The following GEMIN5 variants were observed in gnomAD, a reference collection of about 807,000 sequenced individuals.
GEMIN5 encodes gem nuclear organelle associated protein 5.
GEMIN5 carries 124 observed loss-of-function variants against 176.9 expected under a neutral mutation model. The ratio of observed to expected loss-of-function variants is 0.70; its 90% CI spans 0.61 to 0.81. The LOEUF is 0.81. GEMIN5 is among the 40% of genes least tolerant of loss of function. The probability of loss-of-function intolerance (pLI) is 0.00; values close to 1 mark genes in which losing one functional copy is unlikely to be tolerated. For synonymous variants in GEMIN5, 673 were observed against 665.2 expected (o/e 1.01, Z -0.18); for missense variants, 1,843 against 1,814.6 (o/e 1.02, Z -0.28).
intron 18 of GEMIN5, 52 bp from the exon 19 acceptor site, chr5:154,903,227 A>G: frequency 4.3e-6 from 5 of 1,168,940 alleles, no homozygotes; most frequent in Non-Finnish European, 6.4e-6. Flanking sequence ...CATTGATTAC[A>G]GTTTTCTCTC....
At chr5:154,918,040 A>G (rs1360843609) in intron 11 of GEMIN5, 36 bp from the exon 12 acceptor site, 2 of 1,320,066 alleles carry the variant, frequency 1.5e-6, no homozygotes, top group African/African-American at 1.4e-5. Flanking sequence ...GACTATATAC[A>G]TATCTCACAA....
intron 16 of GEMIN5, among the ~76,000 whole-genome samples, chr5:154,906,634 C>T (rs964646206): frequency 3.9e-5 from 6 of 152,070 alleles, no homozygotes; most frequent in East Asian, 1.9e-4. Flanking sequence ...TGGCCTCAAG[C>T]GGTTCTCCTG....
chr5:154,929,462 T>G (rs1764116152), intron 5 of GEMIN5, among the ~76,000 whole-genome samples: 1 of 152,136 alleles, frequency 6.6e-6, no homozygotes, highest in Non-Finnish European at 1.5e-5. Flanking sequence ...CTAATCACCG[T>G]TTTTTAAGCT....
chr5:154,928,743 C>G, intron 5 of GEMIN5, 84 bp from the exon 6 acceptor site: 1 of 1,242,214 alleles, frequency 8.1e-7, no homozygotes, highest in Admixed American at 1.9e-5. Flanking sequence ...AACACACAGT[C>G]TGCGCTGTAA....
chr5:154,925,028 C>T (rs1764001330), intron 8 of GEMIN5, among the ~76,000 whole-genome samples: 1 of 151,934 alleles, frequency 6.6e-6, no homozygotes, highest in Non-Finnish European at 1.5e-5. Flanking sequence ...AAAACAAAGT[C>T]AATGTCATCT....
At chr5:154,924,990 A>AAAAAC (rs1278071845) in intron 8 of GEMIN5, among the ~76,000 whole-genome samples, 3 of 152,198 alleles carry the variant, frequency 2.0e-5, no homozygotes, top group Admixed American at 1.3e-4. Flanking sequence ...CTCTGTCTCA[A>AAAAAC]AAAACAAAAC....
At chr5:154,912,839 A>C in intron 14 of GEMIN5, 60 bp downstream of exon 14, 1 of 1,427,658 alleles carries the variant, frequency 7.0e-7, no homozygotes, top group Non-Finnish European at 9.6e-7. Context: ...GGGGGAAAAG[A>C]AGAAAGAATT....
At chr5:154,898,398 C>T (rs1361108972) in intron 23 of GEMIN5, 42 bp downstream of exon 23, 2 of 1,514,352 alleles carry the variant, frequency 1.3e-6, no homozygotes, top group Non-Finnish European at 1.8e-6. Flanking sequence ...GGATTTGGGA[C>T]ACTTCCCTCT....
In GEMIN5 at chr5:154,912,917, G is replaced by A. The variant is rs1763732375; in HGVS notation, c.1977C>T (p.Ser659=). ...PHHDGRLVSA[S]YDGTAQVWDA... ...ATAGTACCTGGGCTGTACCATCATA[G>A]GAAGCAGATACCAGCCTTCCATCAT... The change falls in exon 14 of 28, where the codon TCC becomes TCT. Residue 659 remains serine (S), a synonymous_variant. Transcript: ENST00000285873. 4 of 1,613,696 alleles carry A rather than the reference G, an allele frequency of 2.5e-6. No homozygotes were observed. In the African/African-American group the frequency reaches 4.0e-5, roughly 16 times the overall value.
intron 12 of GEMIN5, 133 bp downstream of exon 12, chr5:154,917,798 G>C: frequency 1.5e-6 from 1 of 670,938 alleles, no homozygotes; most frequent in Non-Finnish European, 2.7e-6. Context: ...GATCAGCGGA[G>C]GATATCAAGA....
chr5:154,911,936 G>A (rs1974776), intron 14 of GEMIN5, 38 bp from the exon 15 acceptor site: 1,412,082 of 1,581,732 alleles, frequency 0.89, 632,878 homozygotes, highest in Non-Finnish European at 0.91. Context: ...GACATTTTCT[G>A]GTTATTCTAT....
intron 15 of GEMIN5, among the ~76,000 whole-genome samples, chr5:154,908,327 C>G (rs775537206): frequency 6.6e-6 from 1 of 151,934 alleles, no homozygotes; most frequent in African/African-American, 2.4e-5. Flanking sequence ...ATTACAGGCA[C>G]GCACAACCAC....
chr5:154,892,477 C>T lies in GEMIN5; in HGVS notation c.3670G>A (p.Val1224Met), dbSNP rs373188154. ...SQQMASWDEA[V>M]QALLRAVVRS... is the part of the protein sequence containing the mutation. ...ACCACCGCCCGAAGGAGCGCCTGCA[C>T]AGCCTCGTCCCAGGAGGCCATCTGT... Residue 1224 changes from valine to methionine, a missense_variant, in exon 25 of 28, where the codon GTG (valine) becomes ATG (methionine). By Grantham distance (21) the Val-to-Met change is conservative. Transcript: ENST00000285873. 2.5e-6 allele frequency: 4 copies of T among 1,614,222 alleles called. No individual in the cohort carries two copies. The highest frequency in any genetic ancestry group is 3.4e-6 in the Non-Finnish European group (4 of 1,180,020).
chr5:154,892,748 T>A lies in GEMIN5; in HGVS notation c.3598-199A>T. ...CTAGTTGCACAGCAGCACACACACGTCCCGGTGTTAAAGTCTGTTCACACT... is the reference window on the plus strand; with the variant it reads ...CTAGTTGCACAGCAGCACACACACGACCCGGTGTTAAAGTCTGTTCACACT... On this transcript the variant is annotated intron_variant, in intron 24 of 27. Coordinates refer to ENST00000285873, the MANE Select transcript of GEMIN5 (RefSeq NM_015465.5). The A allele has an allele frequency of 7.1e-6, 4 of 565,002 alleles. No individual in the cohort carries two copies. The South Asian group carries it at 9.1e-5, about 13-fold the overall frequency. The allele number at this position is 565,002 out of a possible 1,614,324, so 35.0% of individuals were successfully genotyped here.
In GEMIN5 at chr5:154,921,367, GCC is replaced by G; in HGVS notation, c.1436_1437del (p.Gly479AlafsTer32). ...CCAAGTGACATGGGGGGTACTGGTG[GCC>G]CCCAGGCTAAAGTATATACAGTCTT... ...HKKTVYTLAW[G>X]PPVPPMSLGG... On this transcript the variant is annotated frameshift_variant, in exon 10 of 28. Coordinates refer to ENST00000285873, the MANE Select transcript of GEMIN5 (RefSeq NM_015465.5). LOFTEE classifies it high-confidence loss of function. 6.9e-7 allele frequency: 1 copy of G among 1,458,376 alleles called. No individual in the cohort carries two copies. Among genetic ancestry groups the G allele is most frequent in the Non-Finnish European group, 9.6e-7 (1 of 1,046,100 alleles). 90.3% of individuals were successfully genotyped at this position (1,458,376 alleles called of 1,614,324 possible).
In GEMIN5 at chr5:154,937,964, T is replaced by C. The variant is rs760304695; in HGVS notation, c.166+4A>G. The C allele has an allele frequency of 9.5e-6, 15 of 1,570,878 alleles. No individual in the cohort carries two copies. Among genetic ancestry groups the C allele is most frequent in the Admixed American group, 3.6e-5 (2 of 54,796 alleles). On this transcript the variant is annotated splice_donor_region_variant and intron_variant, in intron 1 of 27. Transcript: ENST00000285873. Reference sequence around the variant, plus strand: ...AAGTCTCGGGCCCAAGGGTGGTGAGTTACCTCGAAACGGGGGTGTCCCTGG... The same window carrying C: ...AAGTCTCGGGCCCAAGGGTGGTGAGCTACCTCGAAACGGGGGTGTCCCTGG...
intron 1 of GEMIN5, 31 bp downstream of exon 1, chr5:154,937,937 G>GT (rs1764304293): frequency 1.3e-6 from 2 of 1,533,468 alleles, no homozygotes; most frequent in Non-Finnish European, 1.7e-6. Flanking sequence ...ACAAAGGGCA[G>GT]TAAGTCTCGG....
intron 16 of GEMIN5, 134 bp downstream of exon 16, chr5:154,907,457 A>AAAAAAAAG: frequency 3.0e-6 from 1 of 338,620 alleles, no homozygotes. Context: ...AATAAAGCTT[A>AAAAAAAAG]ACAAAAAAAA....
intron 13 of GEMIN5, among the ~76,000 whole-genome samples, chr5:154,915,222 T>C (rs988194071): frequency 2.0e-5 from 3 of 152,200 alleles, no homozygotes; most frequent in South Asian, 4.1e-4. Flanking sequence ...GAGTCACTAC[T>C]AGAACCAAAA....
Sources: gnomAD v4.1 joint callset for allele counts (sites outside exome capture counted in the v4.1 genomes callset) on GRCh38, gnomAD v4.1.1 for gene constraint, MANE v1.5 for transcripts, NCBI Gene and HGNC (gene_info 2026-07-23, HGNC 2026-07-21) for gene names.